Variants in GPC5 observed in about 807,000 individuals in gnomAD.
GPC5 encodes the protein glypican 5.
Under a neutral mutation model 53.9 loss-of-function variants are expected in GPC5, and 47 were observed. The ratio of observed to expected loss-of-function variants is 0.87; its 90% confidence interval spans 0.69 to 1.11. The LOEUF is 1.11. Ranked by LOEUF, GPC5 falls within the 50% of genes most tolerant of loss-of-function variation. The pLI, the probability that GPC5 is intolerant of heterozygous loss-of-function variation, is 0.00. For synonymous variants in GPC5, 286 were observed against 263.3 expected (o/e 1.09, Z -0.84); for missense variants, 748 against 713.1 (o/e 1.05, Z -0.56).
intron 2 of GPC5, among the ~76,000 whole-genome samples, chr13:91,637,806 A>G (rs2034320980): frequency 6.6e-6 from 1 of 152,158 alleles, no homozygotes; most frequent in South Asian, 2.1e-4. Flanking sequence ...TTGATGCCTA[A>G]ATTGGATTTT....
chr13:92,586,002 T>C (rs1310312962), intron 7 of GPC5, among the ~76,000 whole-genome samples: 1 of 152,240 alleles, frequency 6.6e-6, no homozygotes, highest in Non-Finnish European at 1.5e-5. Context: ...ATGAGCAGCA[T>C]GAAAACTGAC....
intron 6 of GPC5, among the ~76,000 whole-genome samples, chr13:92,071,915 T>C (rs1234355740): frequency 6.8e-6 from 1 of 146,750 alleles, no homozygotes; most frequent in African/African-American, 2.5e-5. Context: ...CATATATGTA[T>C]ATAATGTATT....
chr13:91,562,074 G>A lies in GPC5; in HGVS notation c.325+113152G>A, dbSNP rs576292061. On this transcript the variant is annotated intron_variant, in intron 2 of 7. Coordinates refer to ENST00000377067, the MANE Select transcript of GPC5 (RefSeq NM_004466.6). Reference sequence around the variant, plus strand: ...TCTATTCCTCCTCCAGTTCATGCCAGGGAAGCTCTGGCATCTCAAACTCAT... The same window carrying A: ...TCTATTCCTCCTCCAGTTCATGCCAAGGAAGCTCTGGCATCTCAAACTCAT... Among the ~76,000 whole-genome samples, 4 of 151,244 alleles carry A rather than the reference G, an allele frequency of 2.6e-5. No homozygotes were observed. The South Asian group carries it at 8.3e-4, about 32-fold the overall frequency.
chr13:91,704,452 T>C (rs1030719897), intron 3 of GPC5, among the ~76,000 whole-genome samples: 8 of 152,212 alleles, frequency 5.3e-5, no homozygotes, highest in African/African-American at 1.9e-4. Flanking sequence ...TCCCACGGCA[T>C]TGCTGCCTCT....
intron 7 of GPC5, among the ~76,000 whole-genome samples, chr13:92,436,044 C>A (rs1039656955): frequency 6.6e-6 from 1 of 152,102 alleles, no homozygotes; most frequent in Admixed American, 6.6e-5. Flanking sequence ...TAACATCTTA[C>A]TGACTATTCT....
intron 7 of GPC5, among the ~76,000 whole-genome samples, chr13:92,439,723 T>C (rs1877470577): frequency 6.6e-6 from 1 of 152,138 alleles, no homozygotes; most frequent in Non-Finnish European, 1.5e-5. Flanking sequence ...GGGGTCTATA[T>C]AATGTATTTA....
At chr13:92,807,391 A>T (rs549950665) in intron 7 of GPC5, among the ~76,000 whole-genome samples, 4 of 152,236 alleles carry the variant, frequency 2.6e-5, no homozygotes. Context: ...GAGAAGAATG[A>T]ATACTTTTTT....
intron 7 of GPC5, among the ~76,000 whole-genome samples, chr13:92,593,975 A>G (rs556878859): frequency 7.9e-5 from 12 of 152,326 alleles, no homozygotes; most frequent in African/African-American, 2.9e-4. Flanking sequence ...TTAAAGGCAT[A>G]AACTGCAAGA....
At chr13:92,681,515 C>T (rs956802808) in intron 7 of GPC5, among the ~76,000 whole-genome samples, 4 of 152,108 alleles carry the variant, frequency 2.6e-5, no homozygotes, top group African/African-American at 7.2e-5. Flanking sequence ...CCAGCCTCTA[C>T]ACGACTATCA....
chr13:92,754,158 G>C (rs567425980), intron 7 of GPC5, among the ~76,000 whole-genome samples: 74 of 152,300 alleles, frequency 4.9e-4, no homozygotes, highest in African/African-American at 1.8e-3. Context: ...AGCCAGAAGA[G>C]AGTGGGGGCC....
intron 2 of GPC5, among the ~76,000 whole-genome samples, chr13:91,669,737 A>T (rs1158406225): frequency 6.6e-6 from 1 of 152,202 alleles, no homozygotes; most frequent in Non-Finnish European, 1.5e-5. Context: ...CCATAGAAGT[A>T]AACTTTCCAT....
intron 2 of GPC5, among the ~76,000 whole-genome samples, chr13:91,689,184 AATATATATAT>A (rs1169911890): frequency 0.014 from 693 of 49,570 alleles, 8 homozygotes; most frequent in African/African-American, 0.035. Context: ...ATCATATATA[AATATATATAT>A]ATATATATAT....
chr13:92,301,688 A>T (rs2043076448), intron 7 of GPC5, among the ~76,000 whole-genome samples: 1 of 152,072 alleles, frequency 6.6e-6, no homozygotes, highest in Non-Finnish European at 1.5e-5. Flanking sequence ...GTTGTTCAAG[A>T]CCACCTGGAC....
At chr13:91,510,912 C>G (rs1180330845) in intron 2 of GPC5, among the ~76,000 whole-genome samples, 1 of 151,960 alleles carries the variant, frequency 6.6e-6, no homozygotes, top group African/African-American at 2.4e-5. Context: ...TGAGGCTTAT[C>G]TTATTCATTG....
intron 7 of GPC5, chr13:92,510,179 A>G (rs1332331506): frequency 1.3e-5 from 2 of 148,618 alleles, no homozygotes; most frequent in African/African-American, 4.9e-5. Flanking sequence ...CTAGATAAAC[A>G]TAATGTTTTT....
At chr13:92,015,702 A>G (rs1247631738) in intron 6 of GPC5, among the ~76,000 whole-genome samples, 1 of 152,142 alleles carries the variant, frequency 6.6e-6, no homozygotes, top group East Asian at 1.9e-4. Context: ...TTTTCATGTG[A>G]CAGATTTTCA....
chr13:91,540,375 C>T (rs1277133828), intron 2 of GPC5, among the ~76,000 whole-genome samples: 11 of 152,180 alleles, frequency 7.2e-5, no homozygotes, highest in Non-Finnish European at 1.5e-4. Flanking sequence ...AGGCCACATA[C>T]TGTATGATTC....
At chr13:91,455,939 C>T (rs917150035) in intron 2 of GPC5, among the ~76,000 whole-genome samples, 2 of 152,072 alleles carry the variant, frequency 1.3e-5, no homozygotes, top group Non-Finnish European at 2.9e-5. Flanking sequence ...CACATACTTT[C>T]AATAATTTCA....
intron 2 of GPC5, among the ~76,000 whole-genome samples, chr13:91,569,732 C>T (rs142229752): frequency 1.3e-5 from 2 of 152,230 alleles, no homozygotes; most frequent in African/African-American, 4.8e-5. Flanking sequence ...CCTCTCCCTT[C>T]ATGAATGGAT....
Sources: gnomAD v4.1 joint callset for allele counts (sites outside exome capture counted in the v4.1 genomes callset) on GRCh38, gnomAD v4.1.1 for gene constraint, MANE v1.5 for transcripts, NCBI Gene and HGNC (gene_info 2026-07-23, HGNC 2026-07-21) for gene names.